The following MAGED1 variants were observed in gnomAD, a reference collection of about 807,000 sequenced individuals.
MAGED1 encodes the protein melanoma-associated antigen D1.
Under a neutral mutation model 54.1 loss-of-function variants are expected in MAGED1, and 3 were observed. The ratio of observed to expected loss-of-function variants is 0.06; its 90% CI spans 0.03 to 0.14. MAGED1 has a LOEUF of 0.14. Ranked by LOEUF, MAGED1 falls within the 10% of genes least tolerant of loss-of-function variation. The probability of loss-of-function intolerance (pLI) is 1.00; values close to 1 mark genes in which losing one functional copy is unlikely to be tolerated. For synonymous variants in MAGED1, 217 were observed against 227.3 expected (o/e 0.95, Z 0.41); for missense variants, 485 against 623.4 (o/e 0.78, Z 2.36).
intron 6 of MAGED1, 24 bp downstream of exon 6, chrX:51,897,650 A>G (rs1557364474): frequency 2.6e-6 from 3 of 1,164,186 alleles, no homozygotes; most frequent in Admixed American, 4.4e-5. Flanking sequence ...CCTGGGGTAC[A>G]GGAATAATGG....
At chrX:51,848,631 A>G (rs1218069486) in intron 1 of MAGED1, among the ~76,000 whole-genome samples, 8 of 111,892 alleles carry the variant, frequency 7.1e-5, no homozygotes, top group Non-Finnish European at 1.5e-4. Context: ...GCATTTGCAC[A>G]AACTATCTGA....
chrX:51,842,237 ACACTG>A (rs1557358703), intron 1 of MAGED1, among the ~76,000 whole-genome samples: 6 of 112,082 alleles, frequency 5.4e-5, no homozygotes, highest in African/African-American at 1.6e-4. Flanking sequence ...ATTTAGTTTA[ACACTG>A]TACTATGTGA....
In MAGED1 at chrX:51,859,008, G is replaced by A. The variant is rs1927181372; in HGVS notation, c.-36-35261G>A. On this transcript the variant is annotated intron_variant, in intron 1 of 12. Transcript: ENST00000375772. ...TACCTTCTCACTTCAAGGAGGCAGTGTGCTACACCAGAAAGTATTCAGGAT... is the reference window on the plus strand; with the variant it reads ...TACCTTCTCACTTCAAGGAGGCAGTATGCTACACCAGAAAGTATTCAGGAT... Among the ~76,000 whole-genome samples, 5 of 111,750 alleles carry A rather than the reference G, an allele frequency of 4.5e-5. No individual in the cohort carries two copies. The South Asian group carries it at 1.9e-3, about 42-fold the overall frequency.
chrX:51,838,785 G>A, intron 1 of MAGED1, among the ~76,000 whole-genome samples: 1 of 111,678 alleles, frequency 9.0e-6, no homozygotes, highest in Admixed American at 9.5e-5. Flanking sequence ...GACCTCAGTG[G>A]TCAGGATACA....
chrX:51,821,828 A>G (rs996278559), intron 1 of MAGED1, among the ~76,000 whole-genome samples: 2 of 111,867 alleles, frequency 1.8e-5, no homozygotes, highest in Admixed American at 1.9e-4. Context: ...GGCTTTTTCT[A>G]TATCCATTGA....
At position 51,898,135 on chromosome X, in the gene MAGED1, C is replaced by T. The variant is rs782729658; in HGVS notation, c.1680C>T (p.Leu560=). Residue 560 remains leucine (L), a synonymous_variant, in exon 8 of 13, where the codon CTC becomes CTT. Transcript: ENST00000326587. Reference sequence around the variant, plus strand: ...TTAGGACCAAAGACACACCCAAGCTCGGTCTCCTCTTGGTGATTCTGGGTG... The same window carrying T: ...TTAGGACCAAAGACACACCCAAGCTTGGTCTCCTCTTGGTGATTCTGGGTG... ...ILGTTKDTPK[L]GLLLVILGVI... is the part of the protein sequence containing the mutation. The T allele has an allele frequency of 6.7e-5, 81 of 1,208,637 alleles. No individual in the cohort carries two copies. The South Asian group carries it at 1.3e-3, about 19-fold the overall frequency.
At chrX:51,859,722 A>T (rs1032229548) in intron 1 of MAGED1, among the ~76,000 whole-genome samples, 2 of 111,617 alleles carry the variant, frequency 1.8e-5, no homozygotes, top group African/African-American at 6.5e-5. Flanking sequence ...AATCACAAGG[A>T]TCCTTATAAG....
chrX:51,835,491 G>C (rs1163993330), intron 1 of MAGED1, among the ~76,000 whole-genome samples: 1 of 111,071 alleles, frequency 9.0e-6, no homozygotes, highest in African/African-American at 3.3e-5. Context: ...ACCATCATAA[G>C]TTGGGAATTG....
At position 51,897,032 on chromosome X, in the gene MAGED1, C is replaced by T. The variant is rs782531932; in HGVS notation, c.1377C>T (p.Asn459=). ...CTCCCAACTCGCGTGCCTCACAGAA[C>T]CCAGGTGCTGCACAGCCCCGAGATG... ...RPSPNSRASQ[N]PGAAQPRDVA... The change falls in exon 4 of 13, where the codon AAC becomes AAT. Residue 459 remains asparagine, a synonymous_variant. Coordinates refer to ENST00000326587, the MANE Select transcript of MAGED1 (RefSeq NM_006986.4). 1.6e-5 allele frequency: 19 copies of T among 1,210,433 alleles called. No homozygotes were observed. The highest frequency in any genetic ancestry group is 1.8e-5 in the Non-Finnish European group (16 of 895,276).
At chrX:51,805,242 T>A (rs1378801791) in intron 1 of MAGED1, among the ~76,000 whole-genome samples, 1 of 112,112 alleles carries the variant, frequency 8.9e-6, no homozygotes, top group African/African-American at 3.2e-5. Context: ...TACGGTAAAG[T>A]GAAATGAATT....
chrX:51,895,963 G>A (rs1001663028), intron 3 of MAGED1, among the ~76,000 whole-genome samples: 14 of 112,605 alleles, frequency 1.2e-4, no homozygotes, highest in African/African-American at 4.5e-4. Context: ...TATACAACCT[G>A]TATGTAATTC....
chrX:51,889,160 A>G (rs1928344010), upstream of MAGED1, among the ~76,000 whole-genome samples: 1 of 111,563 alleles, frequency 9.0e-6, no homozygotes, highest in Middle Eastern at 4.2e-3. Context: ...CTGCAGTTAC[A>G]CAGATGTAAC....
At position 51,897,995 on chromosome X, in the gene MAGED1, C is replaced by T. The variant is rs1557364518; in HGVS notation, c.1658+109C>T. 1.4e-5 allele frequency: 12 copies of T among 884,135 alleles called. No individual in the cohort carries two copies. The East Asian group carries it at 3.5e-4, about 26-fold the overall frequency. 72.9% of individuals were successfully genotyped at this position (884,135 alleles called of 1,213,427 possible). A position where few individuals can be genotyped will look rare whatever the true frequency, so the allele number is the denominator to read the frequency against. On this transcript the variant is annotated intron_variant, in intron 7 of 12. Coordinates refer to ENST00000326587, the MANE Select transcript of MAGED1 (RefSeq NM_006986.4). Reference sequence around the variant, plus strand: ...TCAGGGTCACATAGCAGGTCATGGGCAGAGCTGGGGTATAATTCTCCCCTA... The same window carrying T: ...TCAGGGTCACATAGCAGGTCATGGGTAGAGCTGGGGTATAATTCTCCCCTA...
intron 1 of MAGED1, among the ~76,000 whole-genome samples, chrX:51,848,993 A>C (rs1926788606): frequency 9.6e-6 from 1 of 104,343 alleles, no homozygotes; most frequent in Non-Finnish European, 1.9e-5. Flanking sequence ...TTGATGTCAT[A>C]AAGATATTCT....
intron 1 of MAGED1, among the ~76,000 whole-genome samples, chrX:51,805,965 C>CTTTTTTTTTTTTTTTTTTTTTTTTTTT (rs57427122): frequency 5.4e-5 from 2 of 36,950 alleles, no homozygotes; most frequent in African/African-American, 1.1e-4. Context: ...CTTTTCTTTT[C>CTTTTTTTTTTTTTTTTTTTTTTTTTTT]TTTTTTTTTT....
At chrX:51,889,412 G>A (rs1380974075), upstream of MAGED1, among the ~76,000 whole-genome samples, 1 of 108,500 alleles carries the variant, frequency 9.2e-6, no homozygotes, top group Non-Finnish European at 1.9e-5. Context: ...TGGATCACCT[G>A]AGGTCAGGAG....
intron 1 of MAGED1, among the ~76,000 whole-genome samples, chrX:51,862,678 C>T (rs1927323309): frequency 9.0e-6 from 1 of 111,512 alleles, no homozygotes; most frequent in South Asian, 3.8e-4. Context: ...AGAGGTTCTG[C>T]GTCAAAAACT....
chrX:51,839,045 A>G (rs1313990043), intron 1 of MAGED1, among the ~76,000 whole-genome samples: 2 of 111,462 alleles, frequency 1.8e-5, no homozygotes, highest in Non-Finnish European at 3.8e-5. Context: ...AAGAACCTAA[A>G]TGTGGATATT....
intron 1 of MAGED1, among the ~76,000 whole-genome samples, chrX:51,887,031 C>T (rs1928260316): frequency 2.0e-5 from 2 of 102,074 alleles, no homozygotes; most frequent in South Asian, 9.1e-4. Flanking sequence ...ACTCCAGCCT[C>T]AGCAACAGAA....
Sources: allele counts gnomAD v4.1 joint callset (sites outside exome capture counted in the v4.1 genomes callset), GRCh38; gene constraint gnomAD v4.1.1; transcripts MANE v1.5; gene names NCBI Gene and HGNC (gene_info 2026-07-23, HGNC 2026-07-21).